TGFB2: variants seen among roughly 807,000 people sequenced by gnomAD.
TGFB2 encodes transforming growth factor beta 2.
TGFB2 carries 13 observed loss-of-function variants against 42.7 expected under a neutral mutation model. The observed-to-expected ratio is 0.30, with a 90% confidence interval of 0.20 to 0.48. The LOEUF (loss-of-function observed/expected upper bound fraction) is 0.48, where lower values mean the gene tolerates loss of function less well. Ranked by LOEUF, TGFB2 falls within the 20% of genes least tolerant of loss-of-function variation. The probability of loss-of-function intolerance (pLI) is 0.99; values close to 1 mark genes in which losing one functional copy is unlikely to be tolerated. For missense variants in TGFB2, 390 were observed against 517.5 expected, an observed-to-expected ratio of 0.75 and a Z score of 2.39; for synonymous variants, 193 against 193.6, an observed-to-expected ratio of 1.00 and a Z score of 0.03.
At chr1:218,407,469 T>A (rs972498428) in intron 2 of TGFB2, among the ~76,000 whole-genome samples, 11 of 152,126 alleles carry the variant, frequency 7.2e-5, no homozygotes, top group African/African-American at 2.4e-4. Context: ...TTTTGAGACT[T>A]TTAAATCCTA....
At chr1:218,427,980 T>C (rs1659680924) in intron 2 of TGFB2, among the ~76,000 whole-genome samples, 1 of 152,184 alleles carries the variant, frequency 6.6e-6, no homozygotes, top group African/African-American at 2.4e-5. Flanking sequence ...TTTCTCCACA[T>C]CCTCTCCAGC....
intron 4 of TGFB2, among the ~76,000 whole-genome samples, chr1:218,435,362 G>A (rs753724012): frequency 3.9e-5 from 6 of 152,210 alleles, no homozygotes; most frequent in Non-Finnish European, 8.8e-5. Flanking sequence ...GCTTTGGGGA[G>A]CTCAAGTTTC....
chr1:218,416,532 T>C (rs1363491431), intron 2 of TGFB2, among the ~76,000 whole-genome samples: 1 of 152,206 alleles, frequency 6.6e-6, no homozygotes, highest in Non-Finnish European at 1.5e-5. Flanking sequence ...CTGCCAAAGT[T>C]CTATGGAAGA....
rs1335224039 is a variant in TGFB2, at chr1:218,441,226, T to G, written c.1109T>G (p.Ile370Arg). 5.0e-6 allele frequency: 8 copies of G among 1,613,310 alleles called. No individual in the cohort carries two copies. Among genetic ancestry groups the G allele is most frequent in the Non-Finnish European group, 6.8e-6 (8 of 1,179,828 alleles). Residue 370 changes from isoleucine (I) to arginine (R), a missense_variant, in exon 7 of 7, where the codon ATA (isoleucine) becomes AGA (arginine). By Grantham distance (97) the Ile-to-Arg change is moderately conservative (BLOSUM62 -3). Transcript: ENST00000366930. ...CAGGTCCTGAGCTTATATAATACCA[T>G]AAATCCAGAAGCATCTGCTTCTCCT... The part of the protein sequence containing the change: ...HSRVLSLYNT[I>R]NPEASASPCC...
intron 1 of TGFB2, among the ~76,000 whole-genome samples, chr1:218,349,546 G>A (rs1656801855): frequency 6.6e-6 from 1 of 152,088 alleles, no homozygotes; most frequent in Non-Finnish European, 1.5e-5. Context: ...TGAAGCCATG[G>A]GAAAGATCAC....
intron 2 of TGFB2, among the ~76,000 whole-genome samples, chr1:218,406,192 TACACACAC>T (rs35504165): frequency 6.7e-6 from 1 of 148,984 alleles, no homozygotes; most frequent in Non-Finnish European, 1.5e-5. Flanking sequence ...ACCCACTCAA[TACACACAC>T]ACACACACAC....
chr1:218,425,374 A>AT (rs1332514090), intron 2 of TGFB2, among the ~76,000 whole-genome samples: 1 of 151,670 alleles, frequency 6.6e-6, no homozygotes, highest in Non-Finnish European at 1.5e-5. Context: ...CGCCCGGCTA[A>AT]TTTTTTGTAT....
intron 2 of TGFB2, 149 bp from the exon 3 acceptor site, chr1:218,433,933 T>G (rs749038207): frequency 7.7e-6 from 8 of 1,039,404 alleles, no homozygotes; most frequent in African/African-American, 1.6e-5. Flanking sequence ...TTTTTATGCA[T>G]GTGACCATGC....
At chr1:218,387,019 G>A (rs1383690939) in intron 1 of TGFB2, among the ~76,000 whole-genome samples, 1 of 152,210 alleles carries the variant, frequency 6.6e-6, no homozygotes, top group Non-Finnish European at 1.5e-5. Context: ...GTGCCAGGAT[G>A]CAAAGAATGG....
At position 218,346,849 on chromosome 1, in the gene TGFB2, C is replaced by G; in HGVS notation, c.148C>G (p.Leu50Val). ...CGGGCAGATCCTGAGCAAGCTGAAG[C>G]TCACCAGTCCCCCAGAAGACTATCC... The part of the protein sequence containing the change: ...IRGQILSKLK[L>V]TSPPEDYPEP... The change falls in exon 1 of 7, where the codon CTC (leucine) becomes GTC (valine). Residue 50 changes from leucine (L) to valine (V), a missense_variant. By Grantham distance (32) the Leu-to-Val change is conservative (BLOSUM62 1). Transcript: ENST00000366930. This position sits in a 1 kb window ranked among gnomAD's most constrained non-coding sequence, Gnocchi z 4.9. The G allele has an allele frequency of 6.2e-7, 1 of 1,614,158 alleles. No homozygotes were observed. Among genetic ancestry groups the G allele is most frequent in the Non-Finnish European group, 8.5e-7 (1 of 1,180,040 alleles).
At chr1:218,385,234 C>G (rs963180031) in intron 1 of TGFB2, among the ~76,000 whole-genome samples, 4 of 152,130 alleles carry the variant, frequency 2.6e-5, no homozygotes, top group African/African-American at 9.7e-5. Flanking sequence ...ATAATGTAAG[C>G]AAATGCTTGG....
intron 1 of TGFB2, among the ~76,000 whole-genome samples, chr1:218,403,525 C>T (rs943097635): frequency 1.1e-4 from 17 of 152,114 alleles, no homozygotes; most frequent in Non-Finnish European, 2.1e-4. Context: ...ATTTTAAGAT[C>T]GGCAAGATGG....
Position 218,346,611 on chromosome 1 carries a change from C to A in TGFB2, c.-91C>A, listed in dbSNP as rs1057412867. The stretch of plus-strand genomic sequence containing the variant: ...AAAACAACAACAACAAAAAACCAAA[C>A]AACTCTCCTTGATCTATACTTTGAG... On this transcript the variant is annotated 5_prime_UTR_variant, in exon 1 of 7. Transcript: ENST00000366930. The surrounding 1 kb of genome is among the most constrained non-coding windows in gnomAD (Gnocchi z 4.9). 6.7e-6 allele frequency: 8 copies of A among 1,199,832 alleles called. No individual in the cohort carries two copies. The highest frequency in any genetic ancestry group is 8.0e-6 in the Non-Finnish European group (7 of 874,950). 74.3% of individuals were successfully genotyped at this position (1,199,832 alleles called of 1,614,324 possible).
intron 2 of TGFB2, among the ~76,000 whole-genome samples, chr1:218,406,393 G>T (rs1658912181): frequency 6.6e-6 from 1 of 152,160 alleles, no homozygotes; most frequent in Non-Finnish European, 1.5e-5. Context: ...CAGGGCATTT[G>T]CATCGGCATC....
intron 2 of TGFB2, among the ~76,000 whole-genome samples, chr1:218,410,217 G>T (rs184350392): frequency 6.6e-6 from 1 of 152,298 alleles, no homozygotes; most frequent in African/African-American, 2.4e-5. Flanking sequence ...ATGCCGCCAG[G>T]TATTCTTTTT....
At chr1:218,391,929 T>C (rs1004449444) in intron 1 of TGFB2, among the ~76,000 whole-genome samples, 1 of 152,172 alleles carries the variant, frequency 6.6e-6, no homozygotes, top group South Asian at 2.1e-4. Context: ...AGGTTTAAGA[T>C]TGGGGCAAAG....
chr1:218,431,708 T>C (rs1485997563), intron 2 of TGFB2, among the ~76,000 whole-genome samples: 2 of 152,240 alleles, frequency 1.3e-5, no homozygotes, highest in South Asian at 2.1e-4. Context: ...GGGAAGAATT[T>C]AGAGACAAAA....
chr1:218,347,387 C>T (rs1656722987), intron 1 of TGFB2, among the ~76,000 whole-genome samples: 1 of 152,176 alleles, frequency 6.6e-6, no homozygotes, highest in Admixed American at 6.5e-5. Context: ...CTCCCAGGGG[C>T]AGAGTTAAAC....
chr1:218,430,732 C>T (rs187576847), intron 2 of TGFB2, among the ~76,000 whole-genome samples: 8 of 152,240 alleles, frequency 5.3e-5, no homozygotes, highest in Non-Finnish European at 7.4e-5. Context: ...CAAGACTTTA[C>T]GATGTGATTA....
Sources: allele counts gnomAD v4.1 joint callset (sites outside exome capture counted in the v4.1 genomes callset), GRCh38; gene constraint gnomAD v4.1.1; non-coding constraint Gnocchi (gnomAD v3.1); transcripts MANE v1.5; gene names NCBI Gene and HGNC (gene_info 2026-07-23, HGNC 2026-07-21).